FAM133A: variants seen among roughly 807,000 people sequenced by gnomAD.
The protein encoded by FAM133A is family with sequence similarity 133 member A, also known as protein FAM133A.
For missense variants in FAM133A, 159 were observed against 164.4 expected (o/e 0.97, Z 0.18); for synonymous variants, 65 against 58.6 (o/e 1.11, Z -0.50).
chrX:93,704,973 T>C (rs1353255559), intron 3 of FAM133A, among the ~76,000 whole-genome samples: 2 of 111,143 alleles, frequency 1.8e-5, no homozygotes, highest in South Asian at 3.8e-4. Flanking sequence ...TCAGATGATA[T>C]GTCAGTGTCT....
chrX:93,708,855 G>T (rs1241901390), intron 3 of FAM133A, among the ~76,000 whole-genome samples: 2 of 111,521 alleles, frequency 1.8e-5, no homozygotes, highest in Non-Finnish European at 3.8e-5. Context: ...GTAATGTATT[G>T]GATTTGACCG....
intron 2 of FAM133A, among the ~76,000 whole-genome samples, chrX:93,689,607 A>G (rs1925761511): frequency 9.0e-6 from 1 of 111,247 alleles, no homozygotes; most frequent in African/African-American, 3.3e-5. Flanking sequence ...ATGTTTACAT[A>G]TAAGTAGTGT....
intron 2 of FAM133A, among the ~76,000 whole-genome samples, chrX:93,696,643 G>A (rs951079725): frequency 2.7e-5 from 3 of 111,524 alleles, no homozygotes; most frequent in Non-Finnish European, 5.7e-5. Context: ...ATAGGCGGCC[G>A]GGCGCAGTGG....
intron 2 of FAM133A, among the ~76,000 whole-genome samples, chrX:93,678,527 G>A (rs959998205): frequency 1.8e-5 from 2 of 111,650 alleles, no homozygotes; most frequent in Non-Finnish European, 3.8e-5. Context: ...AGCATACTTT[G>A]TGTGTCATCT....
At chrX:93,700,020 A>G (rs889130881) in intron 3 of FAM133A, among the ~76,000 whole-genome samples, 5 of 110,736 alleles carry the variant, frequency 4.5e-5, no homozygotes, top group African/African-American at 1.6e-4. Flanking sequence ...ATTTCTAGAA[A>G]GAAGCCTCTG....
At chrX:93,676,182 C>T (rs917722463) in intron 2 of FAM133A, among the ~76,000 whole-genome samples, 6 of 111,128 alleles carry the variant, frequency 5.4e-5, no homozygotes, top group Non-Finnish European at 5.7e-5. Context: ...ATTGGTCAGA[C>T]GTTTGCTGCA....
intron 2 of FAM133A, among the ~76,000 whole-genome samples, chrX:93,692,651 C>A (rs1485518164): frequency 1.2e-4 from 13 of 111,423 alleles, no homozygotes; most frequent in Non-Finnish European, 5.7e-5. Context: ...AATAAATCAT[C>A]ATTGCTTCCC....
chrX:93,694,591 C>G, intron 2 of FAM133A, among the ~76,000 whole-genome samples: 1 of 111,353 alleles, frequency 9.0e-6, no homozygotes, highest in South Asian at 3.8e-4. Flanking sequence ...AATCATTTAA[C>G]AGGAGAATGA....
intron 2 of FAM133A, among the ~76,000 whole-genome samples, chrX:93,679,745 G>A (rs973384499): frequency 6.5e-4 from 54 of 82,455 alleles, no homozygotes; most frequent in Non-Finnish European, 1.1e-3. Context: ...ACTGAAATGT[G>A]TCTTTTTTTT....
At chrX:93,688,716 A>G (rs1171619764) in intron 2 of FAM133A, among the ~76,000 whole-genome samples, 1 of 111,535 alleles carries the variant, frequency 9.0e-6, no homozygotes, top group African/African-American at 3.3e-5. Flanking sequence ...TACCTACTGT[A>G]TATGTAGCAC....
At chrX:93,707,153 A>G (rs1188671239) in intron 3 of FAM133A, among the ~76,000 whole-genome samples, 1 of 112,235 alleles carries the variant, frequency 8.9e-6, no homozygotes, top group Non-Finnish European at 1.9e-5. Context: ...AGAAGCTGCA[A>G]GTTGAATATG....
At chrX:93,694,231 G>A (rs1195502806) in intron 2 of FAM133A, among the ~76,000 whole-genome samples, 1 of 109,092 alleles carries the variant, frequency 9.2e-6, no homozygotes, top group Non-Finnish European at 1.9e-5. Flanking sequence ...CTTTTTTTTT[G>A]CAGTAAACCA....
rs113343041 is a variant in FAM133A at position 93,710,264 on chromosome X, T to A, written c.*98T>A. 0.018 allele frequency: 18,038 copies of A among 983,263 alleles called. 1,308 individuals carry two copies. In the African/African-American group the frequency reaches 0.25, roughly 14 times the overall value. 81.0% of individuals were successfully genotyped at this position (983,263 alleles called of 1,213,427 possible). Reference sequence around the variant, plus strand: ...TGCCTATCAAATCCCACTGTGCCAGTAAGGGGCATAGTGGCTGCTGGCAAC... The same window carrying A: ...TGCCTATCAAATCCCACTGTGCCAGAAAGGGGCATAGTGGCTGCTGGCAAC... On this transcript the variant is annotated 3_prime_UTR_variant, in exon 4 of 4. Transcript: ENST00000683942.
intron 3 of FAM133A, among the ~76,000 whole-genome samples, chrX:93,701,345 G>A (rs1333527742): frequency 1.8e-5 from 2 of 111,517 alleles, no homozygotes; most frequent in Non-Finnish European, 3.8e-5. Context: ...TGTAATTTGA[G>A]GAACCTTGTC....
At chrX:93,694,742 C>T (rs1005842237) in intron 2 of FAM133A, among the ~76,000 whole-genome samples, 4 of 110,394 alleles carry the variant, frequency 3.6e-5, no homozygotes, top group African/African-American at 1.3e-4. Flanking sequence ...TGGGTAAGTA[C>T]ATCAAATTAA....
At chrX:93,674,125 A>G (rs191505096), upstream of FAM133A, 1 of 111,086 alleles carries the variant, frequency 9.0e-6, no homozygotes, top group East Asian at 2.8e-4. Context: ...TACACTGGAT[A>G]AAAAAGGGGA....
At chrX:93,680,656 A>G (rs1488770108) in intron 2 of FAM133A, among the ~76,000 whole-genome samples, 3 of 111,608 alleles carry the variant, frequency 2.7e-5, no homozygotes, top group Non-Finnish European at 5.7e-5. Context: ...ATGAGATGAT[A>G]TCTCATTATG....
chrX:93,702,963 G>A (rs1488622629), intron 3 of FAM133A, among the ~76,000 whole-genome samples: 1 of 109,912 alleles, frequency 9.1e-6, no homozygotes, highest in Non-Finnish European at 1.9e-5. Flanking sequence ...CAAGGCAGGT[G>A]GATCACTTGA....
chrX:93,681,745 A>G (rs920175142), intron 2 of FAM133A, among the ~76,000 whole-genome samples: 2 of 111,954 alleles, frequency 1.8e-5, no homozygotes, highest in Non-Finnish European at 3.8e-5. Flanking sequence ...TTAAAATTAT[A>G]ATATTGACCA....
Sources: allele counts gnomAD v4.1 joint callset (sites outside exome capture counted in the v4.1 genomes callset), GRCh38; gene constraint gnomAD v4.1.1; transcripts MANE v1.5; gene names NCBI Gene and HGNC (gene_info 2026-07-23, HGNC 2026-07-21).